The following DOK6 variants were observed in gnomAD, a reference collection of about 807,000 sequenced individuals.
DOK6 encodes the protein docking protein 6.
Under a neutral mutation model 44.0 loss-of-function variants are expected in DOK6, and 22 were observed. The ratio of observed to expected loss-of-function variants is 0.50; its 90% CI spans 0.36 to 0.71. The LOEUF (loss-of-function observed/expected upper bound fraction) is 0.71, where lower values mean the gene tolerates loss of function less well. Among genes scored for constraint, DOK6 ranks in the 30% least tolerant of loss-of-function variants. The pLI is 0.00. For synonymous variants in DOK6, 166 were observed against 145.5 expected (o/e 1.14, Z -1.01); for missense variants, 340 against 416.4 (o/e 0.82, Z 1.60).
At chr18:69,560,180 T>C (rs1424090869) in intron 1 of DOK6, among the ~76,000 whole-genome samples, 1 of 152,164 alleles carries the variant, frequency 6.6e-6, no homozygotes, top group Non-Finnish European at 1.5e-5. Context: ...GATCTTAATT[T>C]AACTTCTGCA....
intron 1 of DOK6, among the ~76,000 whole-genome samples, chr18:69,430,794 C>A (rs370296489): frequency 9.6e-4 from 146 of 152,168 alleles, no homozygotes; most frequent in African/African-American, 3.4e-3. Flanking sequence ...TGGTGAAACC[C>A]CATCTCTACT....
intron 5 of DOK6, chr18:69,721,460 T>C (rs746594626): frequency 1.3e-5 from 2 of 152,226 alleles, no homozygotes; most frequent in Non-Finnish European, 2.9e-5. Flanking sequence ...AAAATATGCT[T>C]ATGACAATAT....
chr18:69,738,471 TA>T (rs995725154), intron 5 of DOK6, among the ~76,000 whole-genome samples: 1 of 151,844 alleles, frequency 6.6e-6, no homozygotes, highest in South Asian at 2.1e-4. Flanking sequence ...TTTTCCTAAT[TA>T]AAAAAAATGT....
intron 3 of DOK6, among the ~76,000 whole-genome samples, chr18:69,627,517 C>T (rs1165834808): frequency 2.0e-5 from 3 of 152,118 alleles, no homozygotes; most frequent in East Asian, 1.9e-4. Context: ...GGAGCCATCT[C>T]GGCTCACTGC....
chr18:69,775,167 A>C (rs1401058384), intron 7 of DOK6, among the ~76,000 whole-genome samples: 3 of 152,048 alleles, frequency 2.0e-5, no homozygotes, highest in African/African-American at 7.2e-5. Flanking sequence ...TCTATCACCA[A>C]CTGAAATATG....
chr18:69,472,089 A>G (rs930985412), intron 1 of DOK6, among the ~76,000 whole-genome samples: 1 of 152,244 alleles, frequency 6.6e-6, no homozygotes. Context: ...GTTAGGTAAC[A>G]TAAATATTCC....
intron 2 of DOK6, among the ~76,000 whole-genome samples, chr18:69,598,916 G>C (rs1408958107): frequency 1.3e-5 from 2 of 152,022 alleles, no homozygotes; most frequent in East Asian, 1.9e-4. Context: ...GTACCTTTTG[G>C]AGCAATGGAC....
intron 1 of DOK6, among the ~76,000 whole-genome samples, chr18:69,519,976 T>G (rs920144166): frequency 6.6e-6 from 1 of 151,842 alleles, no homozygotes; most frequent in Non-Finnish European, 1.5e-5. Context: ...CCACACAAAA[T>G]AATATTGCCT....
At chr18:69,546,192 G>A (rs1174877081) in intron 1 of DOK6, among the ~76,000 whole-genome samples, 10 of 150,382 alleles carry the variant, frequency 6.6e-5, no homozygotes, top group African/African-American at 1.2e-4. Flanking sequence ...CAGAAGAATC[G>A]CTTGAACCTG....
chr18:69,769,690 C>T (rs1331199948), intron 7 of DOK6, among the ~76,000 whole-genome samples: 1 of 152,086 alleles, frequency 6.6e-6, no homozygotes, highest in Non-Finnish European at 1.5e-5. Context: ...TCTTTAGAGG[C>T]ATGTCTAATA....
At chr18:69,733,532 C>T (rs536297946) in intron 5 of DOK6, among the ~76,000 whole-genome samples, 126 of 152,254 alleles carry the variant, frequency 8.3e-4, no homozygotes, top group Non-Finnish European at 1.6e-3. Context: ...ATTTTCCATG[C>T]TGAGAACACT....
At chr18:69,465,030 CT>C (rs1311618571) in intron 1 of DOK6, among the ~76,000 whole-genome samples, 3 of 151,862 alleles carry the variant, frequency 2.0e-5, no homozygotes, top group African/African-American at 7.2e-5. Flanking sequence ...GAAGTTAGAC[CT>C]TTGTTCATTC....
intron 2 of DOK6, among the ~76,000 whole-genome samples, chr18:69,581,746 A>G (rs567209143): frequency 4.4e-4 from 67 of 152,366 alleles, no homozygotes; most frequent in African/African-American, 1.6e-3. Context: ...CTTCCTACAG[A>G]TAGGGAGGTA....
At chr18:69,412,483 G>T (rs1327596444) in intron 1 of DOK6, among the ~76,000 whole-genome samples, 1 of 152,002 alleles carries the variant, frequency 6.6e-6, no homozygotes, top group Non-Finnish European at 1.5e-5. Context: ...TACCTTAATT[G>T]ATTTCTGGGC....
intron 3 of DOK6, among the ~76,000 whole-genome samples, chr18:69,666,436 AT>A (rs57588383): frequency 0.014 from 2,178 of 151,122 alleles, 56 homozygotes; most frequent in African/African-American, 0.05. Context: ...TATTTCTTTT[AT>A]TTTTTTTTAA....
At chr18:69,483,299 T>G (rs1389916489) in intron 1 of DOK6, among the ~76,000 whole-genome samples, 2 of 152,010 alleles carry the variant, frequency 1.3e-5, no homozygotes, top group Non-Finnish European at 2.9e-5. Context: ...AAAATCAATG[T>G]GCACAAATTA....
intron 1 of DOK6, among the ~76,000 whole-genome samples, chr18:69,408,937 A>G (rs1439402282): frequency 6.6e-6 from 1 of 152,164 alleles, no homozygotes; most frequent in East Asian, 1.9e-4. Context: ...TCAAATGTGT[A>G]CATTTATACA....
At chr18:69,675,894 G>A (rs887434343) in intron 3 of DOK6, among the ~76,000 whole-genome samples, 1 of 152,030 alleles carries the variant, frequency 6.6e-6, no homozygotes, top group Admixed American at 6.6e-5. Context: ...ATGAAGTCTG[G>A]CATTTACTTC....
In DOK6 at chr18:69,848,730, A is replaced by C. The variant is rs1416989758; in HGVS notation, c.*7347A>C. 6.6e-6 allele frequency: 1 copy of C among 152,194 alleles called. No homozygotes were observed. Among genetic ancestry groups the C allele is most frequent in the African/African-American group, 2.4e-5 (1 of 41,438 alleles). The allele number at this position is 152,194 out of a possible 1,614,324, so 9.4% of individuals were successfully genotyped here. On this transcript the variant is annotated 3_prime_UTR_variant, in exon 8 of 8. Coordinates refer to ENST00000382713, the MANE Select transcript of DOK6 (RefSeq NM_152721.6). ...ATAAACCTATTGTTAACAATGTCTT[A>C]TTCATAATTCTAAAAAATTTACAAA...
Sources: gnomAD v4.1 joint callset for allele counts (sites outside exome capture counted in the v4.1 genomes callset) on GRCh38, gnomAD v4.1.1 for gene constraint, MANE v1.5 for transcripts, NCBI Gene and HGNC (gene_info 2026-07-23, HGNC 2026-07-21) for gene names.